GLB1: variants seen among roughly 807,000 people sequenced by gnomAD.
The protein encoded by GLB1 is galactosidase beta 1.
A neutral mutation model predicts 74.0 loss-of-function variants in GLB1; 56 were observed. The ratio of observed to expected loss-of-function variants is 0.76; its 90% CI spans 0.61 to 0.94. The LOEUF is 0.94. GLB1 is among the 40% of genes least tolerant of loss of function. The probability of loss-of-function intolerance (pLI) is 0.00; values close to 1 mark genes in which losing one functional copy is unlikely to be tolerated. For synonymous variants in GLB1, 323 were observed against 323.6 expected (o/e 1.00, Z 0.02); for missense variants, 787 against 845.5 (o/e 0.93, Z 0.86).
intron 14 of GLB1, among the ~76,000 whole-genome samples, chr3:33,015,786 T>C (rs1405734590): frequency 1.3e-5 from 2 of 152,178 alleles, no homozygotes; most frequent in African/African-American, 4.8e-5. Context: ...AAGATGTAAT[T>C]GCCTGATCTC....
At chr3:33,028,389 T>C (rs373931657) in intron 10 of GLB1, among the ~76,000 whole-genome samples, 30 of 152,316 alleles carry the variant, frequency 2.0e-4, no homozygotes, top group Non-Finnish European at 3.1e-4. Context: ...CTCCTAGTTA[T>C]CTTTGTACCT....
At chr3:33,009,007 T>C (rs1696900136) in intron 15 of GLB1, among the ~76,000 whole-genome samples, 2 of 151,604 alleles carry the variant, frequency 1.3e-5, no homozygotes, top group South Asian at 4.2e-4. Context: ...TAATCCCAGC[T>C]ACATGGGAGG....
chr3:32,997,183 T>C lies in GLB1; in HGVS notation c.1896A>G (p.Glu632=), dbSNP rs372915557. 8 of 1,614,004 alleles carry C rather than the reference T, an allele frequency of 5.0e-6. No homozygotes were observed. The highest frequency in any genetic ancestry group is 6.8e-6 in the Non-Finnish European group (8 of 1,180,030). ...TGTCCACGAACGTCACAGCACATAG[T>C]TCTGGATCATCACTGCTGCAGGGTG... ...EWAPCSSDDP[E]LCAVTFVDRP... The change falls in exon 16 of 16, where the codon GAA becomes GAG. Residue 632 remains glutamate, a synonymous_variant. Coordinates refer to ENST00000307363, the MANE Select transcript of GLB1 (RefSeq NM_000404.4).
intron 5 of GLB1, among the ~76,000 whole-genome samples, chr3:33,063,808 A>G (rs1403731965): frequency 6.6e-6 from 1 of 152,180 alleles, no homozygotes; most frequent in African/African-American, 2.4e-5. Flanking sequence ...CAGTACAGAC[A>G]CAAGATGGTA....
intron 10 of GLB1, chr3:33,034,659 C>G: frequency 2.7e-6 from 2 of 731,430 alleles, no homozygotes; most frequent in South Asian, 1.4e-5. Flanking sequence ...AGGTCCATCA[C>G]AGCCAACATA....
intron 2 of GLB1, among the ~76,000 whole-genome samples, chr3:33,071,300 T>A (rs1204929061): frequency 6.6e-6 from 1 of 152,220 alleles, no homozygotes; most frequent in Admixed American, 6.5e-5. Context: ...ATGAGCGCAT[T>A]CTCCCTAAGT....
the GLB1 span, among the ~76,000 whole-genome samples, chr3:32,981,399 C>CAA: frequency 2.7e-3 from 244 of 90,214 alleles, 2 homozygotes; most frequent in Middle Eastern, 8.1e-3. Context: ...GACTCCATCT[C>CAA]AAAAAAAAAA....
At chr3:33,032,703 A>AAG (rs1428175956) in intron 10 of GLB1, among the ~76,000 whole-genome samples, 2 of 152,174 alleles carry the variant, frequency 1.3e-5, no homozygotes, top group African/African-American at 2.4e-5. Flanking sequence ...GGTTACAGGC[A>AAG]AGAGCCACTG....
At position 33,022,766 on chromosome 3, in the gene GLB1, G is replaced by A. The variant is rs371038121; in HGVS notation, c.1144-1111C>T. On this transcript the variant is annotated intron_variant, in intron 11 of 15. Coordinates refer to ENST00000307363, the MANE Select transcript of GLB1 (RefSeq NM_000404.4). ...GTAGAGACGGGGTTTCACCATGTTG[G>A]CCAGGCTGGTCTTGAACTCCTGACC... Among the ~76,000 whole-genome samples, 6 of 151,592 alleles carry A rather than the reference G, an allele frequency of 4.0e-5. No homozygotes were observed. The East Asian group carries it at 5.8e-4, about 15-fold the overall frequency.
intron 9 of GLB1, among the ~76,000 whole-genome samples, chr3:33,047,793 G>T (rs1195537494): frequency 6.6e-6 from 1 of 152,194 alleles, no homozygotes; most frequent in Non-Finnish European, 1.5e-5. Flanking sequence ...TCTCTGCACA[G>T]AATCTAAACT....
chr3:32,996,639 G>A lies in GLB1; in HGVS notation c.*406C>T, dbSNP rs1696317039. On this transcript the variant is annotated 3_prime_UTR_variant, in exon 16 of 16. Coordinates refer to ENST00000307363, the MANE Select transcript of GLB1 (RefSeq NM_000404.4). ...CCATCCTTTTGAACTTCAAGTTAGTGAAGTGGTTTATTCAGCCCACTCAAG... is the reference window on the plus strand; with the variant it reads ...CCATCCTTTTGAACTTCAAGTTAGTAAAGTGGTTTATTCAGCCCACTCAAG... The A allele has an allele frequency of 4.0e-6, 1 of 250,908 alleles. No homozygotes were observed. Among genetic ancestry groups the A allele is most frequent in the South Asian group, 5.1e-5 (1 of 19,474 alleles). The allele number at this position is 250,908 out of a possible 1,614,324, so 15.5% of individuals were successfully genotyped here.
At chr3:33,002,579 T>G (rs1696624627) in intron 15 of GLB1, among the ~76,000 whole-genome samples, 1 of 152,112 alleles carries the variant, frequency 6.6e-6, no homozygotes, top group Non-Finnish European at 1.5e-5. Context: ...ACTTAAAAAC[T>G]ATTTTTAAAA....
chr3:33,002,306 T>C (rs1271943468), intron 15 of GLB1, among the ~76,000 whole-genome samples: 2 of 147,400 alleles, frequency 1.4e-5, no homozygotes, highest in Non-Finnish European at 3.0e-5. Context: ...TCTGGATAAA[T>C]GGAATTTAAA....
At chr3:32,975,739 A>T in the GLB1 span, among the ~76,000 whole-genome samples, 1 of 152,248 alleles carries the variant, frequency 6.6e-6, no homozygotes, top group African/African-American at 2.4e-5. Flanking sequence ...AACAAGATCA[A>T]CAATCCAAAC....
chr3:32,966,810 G>T, the GLB1 span, among the ~76,000 whole-genome samples: 43 of 152,238 alleles, frequency 2.8e-4, no homozygotes, highest in South Asian at 6.2e-3. Flanking sequence ...AATAAGTCTC[G>T]CAAGATCTGA....
chr3:33,017,506 G>A (rs1697284118), intron 13 of GLB1, among the ~76,000 whole-genome samples: 1 of 152,196 alleles, frequency 6.6e-6, no homozygotes, highest in Admixed American at 6.5e-5. Context: ...CCACTGAAAT[G>A]AAAGCTGTTG....
chr3:33,049,088 A>T (rs1322652618), intron 9 of GLB1, among the ~76,000 whole-genome samples: 2 of 152,118 alleles, frequency 1.3e-5, no homozygotes, highest in African/African-American at 4.8e-5. Flanking sequence ...TAAGATTTTT[A>T]AAAAATTGTG....
the GLB1 span, among the ~76,000 whole-genome samples, chr3:32,973,942 C>A: frequency 6.6e-6 from 1 of 152,096 alleles, no homozygotes. Flanking sequence ...GAGCTCAGAT[C>A]CTGTAGGGTA....
the GLB1 span, among the ~76,000 whole-genome samples, chr3:32,968,028 T>C: frequency 6.6e-6 from 1 of 152,142 alleles, no homozygotes; most frequent in Non-Finnish European, 1.5e-5. Flanking sequence ...GAGTGGCTTT[T>C]CAATTTGGAT....
Sources: gnomAD v4.1 joint callset for allele counts (sites outside exome capture counted in the v4.1 genomes callset) on GRCh38, gnomAD v4.1.1 for gene constraint, MANE v1.5 for transcripts, NCBI Gene and HGNC (gene_info 2026-07-23, HGNC 2026-07-21) for gene names.